TTC34: variants seen among roughly 807,000 people sequenced by gnomAD.
The protein encoded by TTC34 is tetratricopeptide repeat protein 34.
A neutral mutation model predicts 40.7 loss-of-function variants in TTC34; 44 were observed. The observed-to-expected ratio is 1.08, with a 90% CI of 0.85 to 1.39. The LOEUF (loss-of-function observed/expected upper bound fraction) is 1.39. Among genes scored for constraint, TTC34 ranks in the 40% most tolerant of loss-of-function variants. The pLI is 0.00. For missense variants in TTC34, 884 were observed against 838.0 expected (o/e 1.05, Z -0.68); for synonymous variants, 422 against 398.6 (o/e 1.06, Z -0.70).
At chr1:2,798,506 T>C (rs1209599607) in intron 2 of TTC34, among the ~76,000 whole-genome samples, 1 of 34,066 alleles carries the variant, frequency 2.9e-5, no homozygotes. Context: ...CCCCAGCCTC[T>C]CAGCCTCCAA....
At chr1:2,653,282 CT>C (rs112157345) in intron 6 of TTC34, among the ~76,000 whole-genome samples, 7 of 148,824 alleles carry the variant, frequency 4.7e-5, no homozygotes, top group East Asian at 4.0e-4. Flanking sequence ...GAACAGCACC[CT>C]GCACCCCCAG....
intron 2 of TTC34, among the ~76,000 whole-genome samples, chr1:2,797,454 C>T (rs1030101246): frequency 6.6e-6 from 1 of 151,746 alleles, no homozygotes; most frequent in Non-Finnish European, 1.5e-5. Context: ...TTTGCACTGA[C>T]CCTAAACCCC....
chr1:2,750,839 A>G (rs1265217035), intron 6 of TTC34, among the ~76,000 whole-genome samples: 37,040 of 59,772 alleles, frequency 0.62, 12,062 homozygotes, highest in African/African-American at 0.78. Context: ...CTGGAGCAGT[A>G]CCCACACACC....
At chr1:2,757,031 A>AGGTGAGCATCTGACAGCCT (rs1641529828) in intron 6 of TTC34, among the ~76,000 whole-genome samples, 1 of 147,266 alleles carries the variant, frequency 6.8e-6, no homozygotes, top group African/African-American at 2.5e-5. Context: ...GCGCACCCCC[A>AGGTGAGCATCTGACAGCCT]GGTGAGCATC....
Position 2,796,042 on chromosome 1 carries a change from G to A in TTC34, c.784+4002C>T, listed in dbSNP as rs1643707369. Among the ~76,000 whole-genome samples the A allele has an allele frequency of 6.6e-6, 1 of 152,218 alleles. No homozygotes were observed. The highest frequency in any genetic ancestry group is 6.5e-5 in the Admixed American group (1 of 15,284). On this transcript the variant is annotated intron_variant, in intron 2 of 8. Coordinates refer to ENST00000401095, the Ensembl canonical transcript of TTC34. The surrounding 1 kb of genome is among the most constrained non-coding windows in gnomAD (Gnocchi z 4.5). ...CTCTGCTCTTGTGGGTGGGATTAAT[G>A]CAAGTTCAGCCCCTTTCGCCTCTTT...
At chr1:2,779,647 G>C (rs1362964716) in intron 6 of TTC34, among the ~76,000 whole-genome samples, 4 of 152,102 alleles carry the variant, frequency 2.6e-5, no homozygotes, top group Non-Finnish European at 2.9e-5. Flanking sequence ...TAGCTTTTTG[G>C]GAAATGGCCA....
At chr1:2,657,454 C>A (rs1313524611) in intron 6 of TTC34, among the ~76,000 whole-genome samples, 4 of 89,782 alleles carry the variant, frequency 4.5e-5, no homozygotes, top group Admixed American at 1.0e-4. Context: ...TGGAGCAGCA[C>A]CCACGCCCCC....
chr1:2,699,251 C>A (rs1243783462), intron 6 of TTC34, among the ~76,000 whole-genome samples: 2 of 149,682 alleles, frequency 1.3e-5, no homozygotes, highest in Non-Finnish European at 3.0e-5. Flanking sequence ...GCACCCATAC[C>A]CCAAGGCGAG....
At chr1:2,651,144 C>A (rs769421067) in intron 6 of TTC34, among the ~76,000 whole-genome samples, 1 of 151,982 alleles carries the variant, frequency 6.6e-6, no homozygotes, top group Non-Finnish European at 1.5e-5. Context: ...TGGGACAGTA[C>A]CCTCCAGCAC....
intron 6 of TTC34, among the ~76,000 whole-genome samples, chr1:2,685,799 C>T (rs542044449): frequency 1.0e-5 from 1 of 96,108 alleles, no homozygotes; most frequent in East Asian, 3.8e-4. Context: ...GAACCCACAC[C>T]CCCAGGTGAG....
At chr1:2,753,273 C>A (rs1401042929) in intron 6 of TTC34, among the ~76,000 whole-genome samples, 3 of 108,134 alleles carry the variant, frequency 2.8e-5, no homozygotes, top group Non-Finnish European at 5.3e-5. Context: ...GAGCATCTGA[C>A]AGCCTGGAAC....
intron 7 of TTC34, 97 bp from the exon 8 acceptor site, chr1:2,644,575 G>T: frequency 7.9e-7 from 1 of 1,270,400 alleles, no homozygotes; most frequent in Non-Finnish European, 1.1e-6. Flanking sequence ...CCCTGTGCTG[G>T]CTTGCGGGGA....
intron 6 of TTC34, among the ~76,000 whole-genome samples, chr1:2,750,506 C>G (rs1343335710): frequency 7.0e-6 from 1 of 142,732 alleles, no homozygotes; most frequent in Non-Finnish European, 1.5e-5. Context: ...CATTGGACAG[C>G]CTGGATCAGC....
chr1:2,756,024 C>T (rs1269851466), intron 6 of TTC34, among the ~76,000 whole-genome samples: 1 of 86,896 alleles, frequency 1.2e-5, no homozygotes, highest in Non-Finnish European at 2.1e-5. Context: ...AGCACACACA[C>T]CCCCAGGCGA....
At chr1:2,799,987 G>A (rs1643754205) in intron 2 of TTC34, 57 bp downstream of exon 2, 2 of 398,468 alleles carry the variant, frequency 5.0e-6, no homozygotes, top group African/African-American at 2.1e-5. Flanking sequence ...CATGTGGGGA[G>A]GGAGTGGCGG....
chr1:2,653,741 C>T (rs1386307770), intron 6 of TTC34, among the ~76,000 whole-genome samples: 1,104 of 146,978 alleles, frequency 7.5e-3, no homozygotes, highest in African/African-American at 0.028. Flanking sequence ...CACAAGTGAG[C>T]ATCGGAGAGT....
At position 2,751,925 on chromosome 1, in the gene TTC34, C is replaced by T. The variant is rs1169006719; in HGVS notation, c.2226+31684G>A. 1.8e-5 allele frequency among the ~76,000 whole-genome samples: 2 copies of T among 111,704 alleles called. 1 individual carries two copies. Among genetic ancestry groups the T allele is most frequent in the Non-Finnish European group, 3.5e-5 (2 of 56,718 alleles). The allele number at this position is 111,704 out of a possible 152,430, so 73.3% of individuals were successfully genotyped here. A position where few individuals can be genotyped will look rare whatever the true frequency, so the allele number is the denominator to read the frequency against. Reference sequence around the variant, plus strand: ...GCATCTGATGGTCTGGAGCAGCACGCATAACCACAGGTGAACATCGGAGAG... The same window carrying T: ...GCATCTGATGGTCTGGAGCAGCACGTATAACCACAGGTGAACATCGGAGAG... On this transcript the variant is annotated intron_variant, in intron 6 of 8. Transcript: ENST00000401095.
chr1:2,684,565 G>A (rs1165507174), intron 6 of TTC34, among the ~76,000 whole-genome samples: 2 of 140,784 alleles, frequency 1.4e-5, no homozygotes, highest in Admixed American at 1.4e-4. Context: ...AACCCCAGGT[G>A]AGCATCCGAT....
chr1:2,688,532 C>A (rs1569572264), intron 6 of TTC34, among the ~76,000 whole-genome samples: 2 of 146,704 alleles, frequency 1.4e-5, no homozygotes, highest in East Asian at 3.9e-4. Context: ...TACCCACACC[C>A]ACAGGCGAGC....
Sources: gnomAD v4.1 joint callset for allele counts (sites outside exome capture counted in the v4.1 genomes callset) on GRCh38, gnomAD v4.1.1 for gene constraint, Gnocchi (gnomAD v3.1) non-coding constraint, MANE v1.5 for transcripts, NCBI Gene and HGNC (gene_info 2026-07-23, HGNC 2026-07-21) for gene names.